The following ROBO2 variants were observed in gnomAD, a reference collection of about 807,000 sequenced individuals.
ROBO2 encodes roundabout homolog 2.
ROBO2 carries 53 observed loss-of-function variants against 160.8 expected under a neutral mutation model. That is an observed-to-expected ratio of 0.33 (90% CI 0.26 to 0.41). ROBO2 has a LOEUF of 0.41. Among genes scored for constraint, ROBO2 ranks in the 10% least tolerant of loss-of-function variants. The probability of loss-of-function intolerance (pLI) is 1.00; values close to 1 mark genes in which losing one functional copy is unlikely to be tolerated. For missense variants in ROBO2, 1,577 were observed against 1,722.4 expected (o/e 0.92, Z 1.49); for synonymous variants, 664 against 611.7 (o/e 1.09, Z -1.26).
At chr3:77,271,011 T>A (rs7340537) in intron 2 of ROBO2, among the ~76,000 whole-genome samples, 149,698 of 151,944 alleles carry the variant, frequency 0.99, 73,791 homozygotes, top group East Asian at 1. Flanking sequence ...GTATATGATT[T>A]TATGAGAAAT....
intron 2 of ROBO2, among the ~76,000 whole-genome samples, chr3:77,120,264 A>T (rs2074618616): frequency 6.6e-6 from 1 of 152,216 alleles, no homozygotes. Flanking sequence ...GATATGGCAA[A>T]GAACTAAGTC....
chr3:76,916,743 C>T (rs148305579), intron 2 of ROBO2, among the ~76,000 whole-genome samples: 1,571 of 151,972 alleles, frequency 0.01, 26 homozygotes, highest in African/African-American at 0.035. Context: ...CATAACATTT[C>T]CTTCTAAGGT....
At chr3:76,215,320 TG>T (rs1703433759) in intron 2 of ROBO2, among the ~76,000 whole-genome samples, 2 of 152,134 alleles carry the variant, frequency 1.3e-5, no homozygotes, top group South Asian at 4.1e-4. Context: ...AGAATGACTT[TG>T]ATGGGTTGAG....
chr3:77,584,892 ATG>A (rs71104693), intron 16 of ROBO2, among the ~76,000 whole-genome samples: 4,010 of 147,296 alleles, frequency 0.027, 119 homozygotes, highest in East Asian at 0.13. Context: ...ATATATATGT[ATG>A]TGTGTGTGTG....
chr3:77,638,879 T>C (rs2095307404), intron 24 of ROBO2, among the ~76,000 whole-genome samples: 1 of 131,754 alleles, frequency 7.6e-6, no homozygotes, highest in African/African-American at 2.9e-5. Flanking sequence ...CAGGCTGGAG[T>C]GCAATGGTGC....
At chr3:76,986,429 T>A (rs2060384818) in intron 2 of ROBO2, among the ~76,000 whole-genome samples, 1 of 152,008 alleles carries the variant, frequency 6.6e-6, no homozygotes, top group Non-Finnish European at 1.5e-5. Context: ...ATATATATAT[T>A]TTTAGGTAAA....
At chr3:77,347,626 C>G (rs552186770) in intron 2 of ROBO2, among the ~76,000 whole-genome samples, 1 of 152,140 alleles carries the variant, frequency 6.6e-6, no homozygotes, top group African/African-American at 2.4e-5. Context: ...ACTGCCCTTA[C>G]GACCCACGGT....
chr3:76,998,332 TA>T (rs1390414153), intron 2 of ROBO2, among the ~76,000 whole-genome samples: 1 of 152,062 alleles, frequency 6.6e-6, no homozygotes, highest in Non-Finnish European at 1.5e-5. Context: ...CTAGATTGTG[TA>T]AAACATTAAC....
At chr3:76,046,407 T>C (rs2107790921) in intron 2 of ROBO2, among the ~76,000 whole-genome samples, 1 of 151,982 alleles carries the variant, frequency 6.6e-6, no homozygotes, top group Non-Finnish European at 1.5e-5. Context: ...CCCAACACTT[T>C]GGGAGGCCGA....
At chr3:76,607,437 G>C (rs1212136586) in intron 2 of ROBO2, among the ~76,000 whole-genome samples, 1 of 152,074 alleles carries the variant, frequency 6.6e-6, no homozygotes, top group Non-Finnish European at 1.5e-5. Flanking sequence ...CAAATACCTT[G>C]TCTTACAAAG....
rs998714216 is a variant in ROBO2 at position 77,225,857 on chromosome 3, A to G, written c.388+127517A>G. 2.6e-5 allele frequency among the ~76,000 whole-genome samples: 4 copies of G among 152,198 alleles called. No homozygotes were observed. In the South Asian group the frequency reaches 6.2e-4, roughly 24 times the overall value. On this transcript the variant is annotated intron_variant, in intron 2 of 25. Transcript: ENST00000461745. ...TTTTATCCAGAAATAGAATTTGTAC[A>G]TATGACTTCCTGCTATGGAGATTTT...
intron 2 of ROBO2, among the ~76,000 whole-genome samples, chr3:76,064,299 A>G (rs998682612): frequency 1.3e-5 from 2 of 152,156 alleles, no homozygotes; most frequent in Non-Finnish European, 2.9e-5. Flanking sequence ...GACACATATT[A>G]TGAAGGTTAC....
chr3:76,372,544 A>T (rs1472607401), intron 2 of ROBO2, among the ~76,000 whole-genome samples: 1 of 151,932 alleles, frequency 6.6e-6, no homozygotes, highest in South Asian at 2.1e-4. Flanking sequence ...ATCTTTTCCT[A>T]AGTTGCATCT....
intron 2 of ROBO2, among the ~76,000 whole-genome samples, chr3:76,214,289 C>T (rs1341510689): frequency 6.6e-6 from 1 of 152,064 alleles, no homozygotes; most frequent in African/African-American, 2.4e-5. Context: ...TGTTCATGTC[C>T]CCTCCAAAAT....
At chr3:76,677,244 GAGA>G (rs1700309310) in intron 2 of ROBO2, among the ~76,000 whole-genome samples, 2 of 152,172 alleles carry the variant, frequency 1.3e-5, no homozygotes, top group East Asian at 1.9e-4. Flanking sequence ...GTAGGAGGGA[GAGA>G]AGAAGGAGGA....
chr3:76,289,359 CTAATT>C (rs1181996643), intron 2 of ROBO2, among the ~76,000 whole-genome samples: 1 of 151,796 alleles, frequency 6.6e-6, no homozygotes, highest in Non-Finnish European at 1.5e-5. Context: ...TTTTTGCCTG[CTAATT>C]TAAGTTCCTT....
chr3:76,830,944 A>AT (rs2067035911), intron 2 of ROBO2, among the ~76,000 whole-genome samples: 2 of 152,140 alleles, frequency 1.3e-5, no homozygotes, highest in Admixed American at 1.3e-4. Context: ...AGCTATGATC[A>AT]TGCCACTGCA....
chr3:77,028,660 A>C (rs1347935872), intron 2 of ROBO2, among the ~76,000 whole-genome samples: 1 of 152,168 alleles, frequency 6.6e-6, no homozygotes, highest in Non-Finnish European at 1.5e-5. Context: ...ACGGGGTTGC[A>C]GTGAGCCAAG....
intron 2 of ROBO2, among the ~76,000 whole-genome samples, chr3:76,358,808 C>T (rs993294018): frequency 1.3e-5 from 2 of 151,646 alleles, no homozygotes; most frequent in Non-Finnish European, 2.9e-5. Flanking sequence ...TTTTAGGGTA[C>T]ATGTGCACAA....
Sources: allele counts gnomAD v4.1 joint callset (sites outside exome capture counted in the v4.1 genomes callset), GRCh38; gene constraint gnomAD v4.1.1; transcripts MANE v1.5; gene names NCBI Gene and HGNC (gene_info 2026-07-23, HGNC 2026-07-21).